CREB5: variants seen among roughly 807,000 people sequenced by gnomAD.
CREB5 encodes cyclic AMP-responsive element-binding protein 5.
In CREB5, 19 loss-of-function variants were observed where a neutral mutation model predicts 57.1. The ratio of observed to expected loss-of-function variants is 0.33; its 90% CI spans 0.23 to 0.49. The LOEUF (loss-of-function observed/expected upper bound fraction) is 0.49, where lower values mean the gene tolerates loss of function less well. Among genes scored for constraint, CREB5 ranks in the 20% least tolerant of loss-of-function variants. The pLI is 0.99. For synonymous variants in CREB5, 238 were observed against 238.3 expected (o/e 1.00, Z 0.01); for missense variants, 579 against 671.6 (o/e 0.86, Z 1.52).
upstream of CREB5, chr7:28,409,443 G>A (rs925975903): frequency 1.0e-4 from 16 of 157,086 alleles, no homozygotes; most frequent in Non-Finnish European, 2.0e-4. This position sits in a 1 kb window ranked among gnomAD's most constrained non-coding sequence, Gnocchi z 4.4. Flanking sequence ...TAAAAATACG[G>A]CTCGGCCACT....
intron 1 of CREB5, among the ~76,000 whole-genome samples, chr7:28,325,665 A>G (rs1785584254): frequency 6.6e-6 from 1 of 152,072 alleles, no homozygotes; most frequent in African/African-American, 2.4e-5. Flanking sequence ...CTAATATGCC[A>G]AGGTCATCTT....
intron 7 of CREB5, among the ~76,000 whole-genome samples, chr7:28,751,424 CAA>C (rs1258241207): frequency 2.0e-5 from 3 of 152,300 alleles, no homozygotes; most frequent in East Asian, 3.9e-4. Context: ...CAGATTTCAG[CAA>C]AGACAGGTTA....
At chr7:28,303,969 A>G (rs980123090) in intron 1 of CREB5, among the ~76,000 whole-genome samples, 1 of 152,242 alleles carries the variant, frequency 6.6e-6, no homozygotes, top group Admixed American at 6.5e-5. Flanking sequence ...TAATAAGAGA[A>G]TAATAAATAG....
At chr7:28,340,384 C>T (rs1407492255) in intron 1 of CREB5, among the ~76,000 whole-genome samples, 1 of 152,148 alleles carries the variant, frequency 6.6e-6, no homozygotes, top group Non-Finnish European at 1.5e-5. Context: ...TGGGTGCTTC[C>T]ATTCAAGGCA....
Position 28,552,408 on chromosome 7 carries a change from C to T in CREB5, c.292-17957C>T, listed in dbSNP as rs1220469534. Among the ~76,000 whole-genome samples the T allele has an allele frequency of 2.6e-5, 4 of 152,294 alleles. No homozygotes were observed. The South Asian group carries it at 6.2e-4, about 24-fold the overall frequency. ...CCTTTTGTTATTATCGAGGCCATCC[C>T]GAGACTATGGAGACTTTCCTCCCAT... On this transcript the variant is annotated intron_variant, in intron 4 of 10. Transcript: ENST00000357727.
intron 7 of CREB5, among the ~76,000 whole-genome samples, chr7:28,794,457 T>G (rs73685604): frequency 0.038 from 5,765 of 152,250 alleles, 298 homozygotes; most frequent in African/African-American, 0.12. Context: ...TTATTCTACT[T>G]CCATTGTGCA....
chr7:28,441,060 A>G (rs1789166484), intron 1 of CREB5, among the ~76,000 whole-genome samples: 1 of 152,074 alleles, frequency 6.6e-6, no homozygotes, highest in African/African-American at 2.4e-5. Flanking sequence ...TATGGTTTTG[A>G]TTCATTTATA....
At chr7:28,709,781 G>A (rs1181586939) in intron 5 of CREB5, among the ~76,000 whole-genome samples, 1 of 151,898 alleles carries the variant, frequency 6.6e-6, no homozygotes, top group African/African-American at 2.4e-5. Context: ...TCATAAAAAG[G>A]AGGCCCAAAT....
At chr7:28,324,071 G>A (rs1041402225) in intron 1 of CREB5, among the ~76,000 whole-genome samples, 1 of 152,142 alleles carries the variant, frequency 6.6e-6, no homozygotes, top group African/African-American at 2.4e-5. Context: ...ACACAGAGAA[G>A]CTTTGGTCAC....
chr7:28,464,703 T>C (rs1790490137), intron 1 of CREB5, among the ~76,000 whole-genome samples: 1 of 118,736 alleles, frequency 8.4e-6, no homozygotes, highest in Non-Finnish European at 1.7e-5. Context: ...TTGTTTCAAG[T>C]TATTTTTAAA....
chr7:28,447,832 T>C (rs1250956228), intron 1 of CREB5, among the ~76,000 whole-genome samples: 9 of 152,178 alleles, frequency 5.9e-5, no homozygotes. Flanking sequence ...TGGCTTTTTC[T>C]TTTTTACTTA....
intron 1 of CREB5, among the ~76,000 whole-genome samples, chr7:28,317,010 T>G (rs1181004186): frequency 6.6e-6 from 1 of 151,004 alleles, no homozygotes; most frequent in East Asian, 1.9e-4. Flanking sequence ...TAAGTCTTGA[T>G]TTAATGGTTG....
intron 3 of CREB5, among the ~76,000 whole-genome samples, chr7:28,504,227 A>G (rs1284088816): frequency 6.6e-6 from 1 of 152,206 alleles, no homozygotes; most frequent in East Asian, 1.9e-4. Context: ...CAACACACGA[A>G]TGCCTTGTCA....
At chr7:28,509,639 G>A (rs1175652364) in intron 4 of CREB5, among the ~76,000 whole-genome samples, 1 of 152,094 alleles carries the variant, frequency 6.6e-6, no homozygotes, top group Non-Finnish European at 1.5e-5. Context: ...TACATGTTTC[G>A]TGAGTTGCTT....
intron 5 of CREB5, among the ~76,000 whole-genome samples, chr7:28,686,464 G>A (rs1341063044): frequency 4.8e-5 from 7 of 147,138 alleles, no homozygotes; most frequent in Non-Finnish European, 9.0e-5. Flanking sequence ...AACAGAGGCC[G>A]GGTTGGAGGA....
At chr7:28,697,614 T>C (rs548369590) in intron 5 of CREB5, among the ~76,000 whole-genome samples, 2 of 152,148 alleles carry the variant, frequency 1.3e-5, no homozygotes, top group East Asian at 1.9e-4. Flanking sequence ...TCTTAGGTAA[T>C]AGATTCATCT....
At chr7:28,335,209 AT>A (rs545787338) in intron 1 of CREB5, among the ~76,000 whole-genome samples, 2 of 151,270 alleles carry the variant, frequency 1.3e-5, no homozygotes, top group East Asian at 1.9e-4. Flanking sequence ...AAATTTTAGG[AT>A]TTTTTTTTCT....
chr7:28,504,190 T>A (rs2030432398), intron 3 of CREB5, among the ~76,000 whole-genome samples: 1 of 151,746 alleles, frequency 6.6e-6, no homozygotes, highest in Admixed American at 6.6e-5. Context: ...TGTGCAGATG[T>A]TAAAAAAAGG....
intron 1 of CREB5, among the ~76,000 whole-genome samples, chr7:28,380,525 T>A (rs1394348184): frequency 6.6e-6 from 1 of 152,192 alleles, no homozygotes. Flanking sequence ...TTACAGCCAT[T>A]TGAGGCACTT....
Sources: allele counts gnomAD v4.1 joint callset (sites outside exome capture counted in the v4.1 genomes callset), GRCh38; gene constraint gnomAD v4.1.1; non-coding constraint Gnocchi (gnomAD v3.1); transcripts MANE v1.5; gene names NCBI Gene and HGNC (gene_info 2026-07-23, HGNC 2026-07-21).